The following RARB variants were observed in gnomAD, a reference collection of about 807,000 sequenced individuals.
RARB encodes retinoic acid receptor beta.
RARB carries 17 observed loss-of-function variants against 51.9 expected under a neutral mutation model. The observed-to-expected ratio is 0.33, with a 90% CI of 0.22 to 0.49. The LOEUF (loss-of-function observed/expected upper bound fraction) is 0.49. Among genes scored for constraint, RARB ranks in the 20% least tolerant of loss-of-function variants. The probability of loss-of-function intolerance (pLI) is 0.99; values close to 1 mark genes in which losing one functional copy is unlikely to be tolerated. For synonymous variants in RARB, 215 were observed against 195.4 expected, an observed-to-expected ratio of 1.10 and a Z score of -0.84; for missense variants, 369 against 550.8, an observed-to-expected ratio of 0.67 and a Z score of 3.30.
intron 1 of RARB, among the ~76,000 whole-genome samples, chr3:25,447,889 A>G (rs1709018318): frequency 6.6e-6 from 1 of 152,180 alleles, no homozygotes; most frequent in Non-Finnish European, 1.5e-5. Flanking sequence ...CACCAAATCA[A>G]GATGGGGAAA....
chr3:25,123,725 C>T (rs1699818556), intron 3 of RARB, among the ~76,000 whole-genome samples: 1 of 152,186 alleles, frequency 6.6e-6, no homozygotes. Context: ...TATTATTTTG[C>T]TGCCTATTTT....
chr3:25,231,516 C>T (rs6779499), intron 5 of RARB, among the ~76,000 whole-genome samples: 16,310 of 152,132 alleles, frequency 0.11, 1,021 homozygotes, highest in South Asian at 0.26. Context: ...TTTTAGGTTA[C>T]TCCTCTAAGA....
intron 7 of RARB, among the ~76,000 whole-genome samples, chr3:25,595,411 ACAAG>A (rs1338971872): frequency 6.6e-6 from 1 of 152,218 alleles, no homozygotes; most frequent in Non-Finnish European, 1.5e-5. Flanking sequence ...AACTTGTTTG[ACAAG>A]CAGTCTTAAC....
chr3:25,474,997 T>C (rs1316376511), intron 2 of RARB, among the ~76,000 whole-genome samples: 6 of 152,164 alleles, frequency 3.9e-5, no homozygotes, highest in Admixed American at 3.9e-4. Flanking sequence ...TGCAAAATTA[T>C]GAATTACATT....
intron 2 of RARB, among the ~76,000 whole-genome samples, chr3:24,947,136 C>T (rs1695793218): frequency 6.6e-6 from 1 of 152,140 alleles, no homozygotes; most frequent in Admixed American, 6.5e-5. Context: ...CATATGTCTA[C>T]ACTGAGCCAA....
intron 3 of RARB, among the ~76,000 whole-genome samples, chr3:25,566,221 G>T (rs1422041018): frequency 6.6e-6 from 1 of 152,200 alleles, no homozygotes; most frequent in Non-Finnish European, 1.5e-5. Flanking sequence ...AGCAGCTGCT[G>T]AAGCCACGTG....
At chr3:25,321,630 T>A (rs1704572806) in intron 5 of RARB, among the ~76,000 whole-genome samples, 1 of 151,830 alleles carries the variant, frequency 6.6e-6, no homozygotes, top group Admixed American at 6.6e-5. Flanking sequence ...GGCAGGAGAA[T>A]CACTTGAATC....
At chr3:25,483,527 CTTTTTTTT>C (rs199602182) in intron 2 of RARB, among the ~76,000 whole-genome samples, 1 of 113,682 alleles carries the variant, frequency 8.8e-6, no homozygotes, top group Admixed American at 8.7e-5. Flanking sequence ...CATATTTCTT[CTTTTTTTT>C]TTTTTTTTTT....
chr3:25,225,131 C>G (rs1369875), intron 5 of RARB, among the ~76,000 whole-genome samples: 118,329 of 152,086 alleles, frequency 0.78, 46,698 homozygotes, highest in East Asian at 0.85. Context: ...ACTCTGACTC[C>G]CTTCATCTCT....
At chr3:25,088,357 G>A (rs1204341182) in intron 3 of RARB, among the ~76,000 whole-genome samples, 3 of 152,106 alleles carry the variant, frequency 2.0e-5, no homozygotes, top group Non-Finnish European at 2.9e-5. Context: ...AGTTTTATTC[G>A]GTCTCAAAAC....
intron 5 of RARB, among the ~76,000 whole-genome samples, chr3:25,205,683 T>G (rs1701522239): frequency 6.6e-6 from 1 of 152,102 alleles, no homozygotes; most frequent in Admixed American, 6.6e-5. Flanking sequence ...CTCATGTGCC[T>G]CATAAATATG....
intron 5 of RARB, among the ~76,000 whole-genome samples, chr3:25,322,812 T>G (rs1033152254): frequency 2.6e-5 from 4 of 152,158 alleles, no homozygotes; most frequent in African/African-American, 4.8e-5. Flanking sequence ...ATACCCAAAA[T>G]GCAACATGAG....
intron 2 of RARB, among the ~76,000 whole-genome samples, chr3:25,470,383 T>G (rs1290319913): frequency 1.3e-5 from 2 of 152,248 alleles, no homozygotes; most frequent in African/African-American, 4.8e-5. Context: ...CAGTGTGGCA[T>G]GTGCTGTGAC....
chr3:25,312,298 A>G (rs760202432), intron 5 of RARB, among the ~76,000 whole-genome samples: 12 of 152,206 alleles, frequency 7.9e-5, no homozygotes, highest in African/African-American at 2.9e-4. Context: ...AAACACATTC[A>G]TATTCACTGT....
At chr3:25,518,380 T>A (rs1467476741) in intron 3 of RARB, among the ~76,000 whole-genome samples, 2 of 152,152 alleles carry the variant, frequency 1.3e-5, no homozygotes, top group Non-Finnish European at 2.9e-5. Flanking sequence ...ATTTTCTAGA[T>A]ACTGATGTTT....
chr3:25,043,527 T>C (rs1383913253), intron 2 of RARB, among the ~76,000 whole-genome samples: 1 of 152,224 alleles, frequency 6.6e-6, no homozygotes. Flanking sequence ...AAGGAAAAAT[T>C]TGGACTGATG....
rs2068130 is a variant in RARB at position 25,195,342 on chromosome 3, T to A, written c.178+20767T>A. 4.2e-4 allele frequency among the ~76,000 whole-genome samples: 64 copies of A among 152,082 alleles called. 1 individual carries two copies. In the South Asian group the frequency reaches 0.013, roughly 31 times the overall value. ...TTCTGACAACAGTTTGCAGAAAGTT[T>A]CGTATAGTTATTCATGGGCTAAGAG... On this transcript the variant is annotated intron_variant, in intron 5 of 11. Transcript: ENST00000383772.
intron 3 of RARB, among the ~76,000 whole-genome samples, chr3:25,081,613 A>G (rs1189911446): frequency 1.9e-4 from 2 of 10,406 alleles, no homozygotes; most frequent in African/African-American, 4.2e-4. Context: ...ATATATATAT[A>G]TATATATATT....
intron 3 of RARB, among the ~76,000 whole-genome samples, chr3:25,091,470 C>T (rs1003625074): frequency 6.6e-6 from 1 of 152,174 alleles, no homozygotes; most frequent in Non-Finnish European, 1.5e-5. Context: ...CTGAACTAAA[C>T]TTTACACTGG....
Sources: allele counts gnomAD v4.1 joint callset (sites outside exome capture counted in the v4.1 genomes callset), GRCh38; gene constraint gnomAD v4.1.1; transcripts MANE v1.5; gene names NCBI Gene and HGNC (gene_info 2026-07-23, HGNC 2026-07-21).